The following SNX19 variants were observed in gnomAD, a reference collection of about 807,000 sequenced individuals.
SNX19 encodes sorting nexin 19.
In SNX19, 60 loss-of-function variants were observed where a neutral mutation model predicts 85.2. The ratio of observed to expected loss-of-function variants is 0.70; its 90% CI spans 0.57 to 0.87. The LOEUF (loss-of-function observed/expected upper bound fraction) is 0.87, where lower values mean the gene tolerates loss of function less well. Among genes scored for constraint, SNX19 ranks in the 40% least tolerant of loss-of-function variants. SNX19 has a pLI of 0.00. For missense variants in SNX19, 1,201 were observed against 1,217.8 expected (o/e 0.99, Z 0.21); for synonymous variants, 520 against 470.0 (o/e 1.11, Z -1.38).
In SNX19 at chr11:130,874,171, A is replaced by C. The variant is rs1238879061; in HGVS notation, c.*4251T>G. Among the ~76,000 whole-genome samples, 2 of 151,994 alleles carry C rather than the reference A, an allele frequency of 1.3e-5. No individual in the cohort carries two copies. Among genetic ancestry groups the C allele is most frequent in the African/African-American group, 4.8e-5 (2 of 41,380 alleles). On this transcript the variant is annotated 3_prime_UTR_variant, in exon 11 of 11. Transcript: ENST00000265909. ...CCTAGTAGGTGGAACCACAGGCGAG[A>C]GCCACCATGCCCCGCTCATTTTTTA...
At position 130,903,373 on chromosome 11, in the gene SNX19, C is replaced by CT; in HGVS notation, c.2454dup (p.Glu819ArgfsTer4). The CT allele has an allele frequency of 6.2e-7, 1 of 1,612,502 alleles. No homozygotes were observed. The highest frequency in any genetic ancestry group is 8.5e-7 in the Non-Finnish European group (1 of 1,179,840). ...AGATCCAGGGCTGTGTCAGCTAACT[C>CT]TGTCTCTGTTCCTGAGGGATAAAAT... On this transcript the variant is annotated frameshift_variant, in exon 8 of 11. Coordinates refer to ENST00000265909, the MANE Select transcript of SNX19 (RefSeq NM_014758.3). LOFTEE classifies it high-confidence loss of function.
rs150883561 is a variant in SNX19 at position 130,915,455 on chromosome 11, C to T, written c.485G>A (p.Cys162Tyr). Residue 162 changes from cysteine to tyrosine, a missense_variant, in exon 1 of 11, where the codon TGC becomes TAC. Transcript: ENST00000265909. ...HAVAQSVLTL[C>Y]GCHLQSYIQA... ...AATGTAGCTCTGCAGGTGACAACCG[C>T]AGAGAGTCAGAACACTCTGGGCAAC... The T allele has an allele frequency of 6.2e-7, 1 of 1,614,070 alleles. No homozygotes were observed. Among genetic ancestry groups the T allele is most frequent in the Admixed American group, 1.7e-5 (1 of 60,032 alleles).
rs760931696 is a variant in SNX19 at position 130,906,604 on chromosome 11, T to C, written c.2262+21A>G. On this transcript the variant is annotated intron_variant, in intron 6 of 10. Transcript: ENST00000265909. ...CATCTCAGATATTTTTGCCTCACAT[T>C]CTCTGGGTTTTGGTTCTTACCACAT... 103 of 1,560,080 alleles carry C rather than the reference T, an allele frequency of 6.6e-5. 2 individuals are homozygous for C. The highest frequency in any genetic ancestry group is 3.1e-4 in the East Asian group (14 of 44,664).
At chr11:130,887,168 C>T (rs1944143189) in intron 8 of SNX19, among the ~76,000 whole-genome samples, 3 of 152,314 alleles carry the variant, frequency 2.0e-5, no homozygotes, top group Admixed American at 6.5e-5. Context: ...GAGTTCCATA[C>T]ATTTATATCT....
Position 130,871,663 on chromosome 11 carries a change from T to A in SNX19, c.*6759A>T, listed in dbSNP as rs1592260330. ...AACAAGCCATTGCTTCTGTCGACATTTGAGTCCTTTTGTCTGCAATCAGGG... is the reference window on the plus strand; with the variant it reads ...AACAAGCCATTGCTTCTGTCGACATATGAGTCCTTTTGTCTGCAATCAGGG... On this transcript the variant is annotated 3_prime_UTR_variant, in exon 11 of 11. Coordinates refer to ENST00000265909, the MANE Select transcript of SNX19 (RefSeq NM_014758.3). Among the ~76,000 whole-genome samples the A allele has an allele frequency of 6.6e-6, 1 of 152,192 alleles. No individual in the cohort carries two copies. Among genetic ancestry groups the A allele is most frequent in the African/African-American group, 2.4e-5 (1 of 41,448 alleles).
intron 7 of SNX19, among the ~76,000 whole-genome samples, chr11:130,904,694 A>ATTTTTTTTTTTTTTTTTTTTT (rs34208870): frequency 6.7e-6 from 1 of 148,778 alleles, no homozygotes. Flanking sequence ...AAAATGGTAG[A>ATTTTTTTTTTTTTTTTTTTTT]TTTTTTTTTG....
chr11:130,906,529 A>G, intron 6 of SNX19, 96 bp downstream of exon 6: 1 of 853,250 alleles, frequency 1.2e-6, no homozygotes, highest in Non-Finnish European at 2.0e-6. Flanking sequence ...ATTTAGCAGG[A>G]CATTTCTGAC....
At chr11:130,905,542 A>T in intron 7 of SNX19, 1 of 730,388 alleles carries the variant, frequency 1.4e-6, no homozygotes, top group Non-Finnish European at 2.1e-6. Flanking sequence ...AAGCTCTGGC[A>T]GGTGGATCAT....
rs1232423639 is a variant in SNX19, at chr11:130,874,926, A to C, written c.*3496T>G. Among the ~76,000 whole-genome samples, 3 of 152,246 alleles carry C rather than the reference A, an allele frequency of 2.0e-5. No homozygotes were observed. Among genetic ancestry groups the C allele is most frequent in the Admixed American group, 6.5e-5 (1 of 15,284 alleles). On this transcript the variant is annotated 3_prime_UTR_variant, in exon 11 of 11. Transcript: ENST00000265909. The stretch of plus-strand genomic sequence containing the variant: ...TGTACATTGTTGGTGGGAATGTAAA[A>C]TGGTCTAGTCACTATGGAAAACAGT...
At chr11:130,886,141 A>T (rs1221638790) in intron 8 of SNX19, among the ~76,000 whole-genome samples, 2 of 152,270 alleles carry the variant, frequency 1.3e-5, no homozygotes, top group East Asian at 3.9e-4. Context: ...GGCTACTTTC[A>T]CAGTCATTTT....
chr11:130,889,862 G>C (rs1234169319), intron 8 of SNX19, among the ~76,000 whole-genome samples: 1 of 152,116 alleles, frequency 6.6e-6, no homozygotes, highest in Non-Finnish European at 1.5e-5. Context: ...CTTGGTACCA[G>C]CTACAAGGTT....
chr11:130,901,761 A>G (rs1344989703), intron 8 of SNX19: 1 of 152,108 alleles, frequency 6.6e-6, no homozygotes, highest in Non-Finnish European at 1.5e-5. Context: ...TCAAAGTGTA[A>G]CTTCTGTGGT....
chr11:130,903,710 T>TACACAC (rs1169329974), intron 7 of SNX19, among the ~76,000 whole-genome samples: 1 of 98,934 alleles, frequency 1.0e-5, no homozygotes, highest in African/African-American at 4.0e-5. Flanking sequence ...TATATATATA[T>TACACAC]ACACATACAC....
intron 8 of SNX19, among the ~76,000 whole-genome samples, chr11:130,887,413 T>TA (rs767024291): frequency 5.3e-5 from 8 of 152,178 alleles, no homozygotes; most frequent in Admixed American, 1.3e-4. Context: ...GAAGGAAACT[T>TA]AGAGGTTATT....
Position 130,914,353 on chromosome 11 carries a change from G to A in SNX19, c.1587C>T (p.Ile529=). 1 of 1,613,814 alleles carries A rather than the reference G, an allele frequency of 6.2e-7. No homozygotes were observed. The highest frequency in any genetic ancestry group is 2.2e-5 in the East Asian group (1 of 44,876). The change falls in exon 1 of 11, where the codon ATC becomes ATT. Residue 529 remains isoleucine, a synonymous_variant. Coordinates refer to ENST00000265909, the MANE Select transcript of SNX19 (RefSeq NM_014758.3). ...EPLSSPDGPV[I]IQNLRITGTI... is the part of the protein sequence containing the mutation. ...TGCCAGTGATACGAAGGTTCTGGAT[G>A]ATAACTGGACCATCGGGACTGCTTA... is the stretch of plus-strand genomic sequence containing the variant.
At chr11:130,912,411 T>C (rs1239899700) in intron 1 of SNX19, among the ~76,000 whole-genome samples, 5 of 152,182 alleles carry the variant, frequency 3.3e-5, no homozygotes, top group African/African-American at 9.7e-5. Context: ...AGGGCTGGTA[T>C]GTGGAAAAGA....
intron 8 of SNX19, among the ~76,000 whole-genome samples, chr11:130,898,036 C>T (rs992564533): frequency 6.6e-6 from 1 of 152,154 alleles, no homozygotes; most frequent in African/African-American, 2.4e-5. Flanking sequence ...CTCTTCAGCT[C>T]CCCTCCCACT....
At position 130,911,319 on chromosome 11, in the gene SNX19, ATCT is replaced by A. The variant is rs371265303; in HGVS notation, c.1813+311_1813+313del. The A allele has an allele frequency of 8.6e-4, 384 of 448,656 alleles. 7 individuals carry two copies. In the South Asian group the frequency reaches 0.02, roughly 24 times the overall value. The allele number at this position is 448,656 out of a possible 1,614,324, so 27.8% of individuals were successfully genotyped here. On this transcript the variant is annotated intron_variant, in intron 2 of 10. Coordinates refer to ENST00000265909, the MANE Select transcript of SNX19 (RefSeq NM_014758.3). ...ATATTTTAATATTTAAGAACCACCA[ATCT>A]ATGAATCTGGAAAAGTTAATTTAAC...
intron 8 of SNX19, among the ~76,000 whole-genome samples, chr11:130,895,719 A>G (rs1374994418): frequency 6.6e-6 from 1 of 152,214 alleles, no homozygotes; most frequent in East Asian, 1.9e-4. Context: ...GAGCACACAC[A>G]CACAGAAATG....
Sources: allele counts gnomAD v4.1 joint callset (sites outside exome capture counted in the v4.1 genomes callset), GRCh38; gene constraint gnomAD v4.1.1; transcripts MANE v1.5; gene names NCBI Gene and HGNC (gene_info 2026-07-23, HGNC 2026-07-21).